HTR4: variants seen among roughly 807,000 people sequenced by gnomAD.
HTR4 encodes 5-hydroxytryptamine (serotonin) receptor 4, G protein-coupled.
A neutral mutation model predicts 36.8 loss-of-function variants in HTR4; 16 were observed. The ratio of observed to expected loss-of-function variants is 0.43; its 90% CI spans 0.29 to 0.66. The LOEUF (loss-of-function observed/expected upper bound fraction) is 0.66. Among genes scored for constraint, HTR4 ranks in the 30% least tolerant of loss-of-function variants. The pLI, the probability that HTR4 is intolerant of heterozygous loss-of-function variation, is 0.13. For synonymous variants in HTR4, 189 were observed against 185.1 expected, an observed-to-expected ratio of 1.02 and a Z score of -0.17; for missense variants, 438 against 490.9, an observed-to-expected ratio of 0.89 and a Z score of 1.02.
intron 2 of HTR4, among the ~76,000 whole-genome samples, chr5:148,620,982 T>C (rs1351597351): frequency 5.3e-5 from 8 of 152,232 alleles, no homozygotes; most frequent in Non-Finnish European, 7.3e-5. Context: ...CCTCCTCACG[T>C]GTACACCCCA....
chr5:148,459,726 A>C (rs1488615178), intron 5 of HTR4, among the ~76,000 whole-genome samples: 1 of 152,154 alleles, frequency 6.6e-6, no homozygotes, highest in Non-Finnish European at 1.5e-5. Context: ...TACAAGGCAT[A>C]GTAAATGGCA....
At chr5:148,454,921 C>G (rs1020521293) in intron 5 of HTR4, among the ~76,000 whole-genome samples, 3 of 152,116 alleles carry the variant, frequency 2.0e-5, no homozygotes, top group Non-Finnish European at 4.4e-5. Context: ...CAAACAAGGG[C>G]TCAGGACCAA....
rs570405999 is a variant in HTR4, at chr5:148,609,554, G to C, written c.26+27435C>G. On this transcript the variant is annotated intron_variant, in intron 2 of 6. Transcript: ENST00000377888. ...ATATTAGGCCCCACTTTTGTATAAT[G>C]TGCTTGTGTATAAGGAATTTTTAAG... Among the ~76,000 whole-genome samples, 10 of 151,578 alleles carry C rather than the reference G, an allele frequency of 6.6e-5. 1 individual carries two copies. The highest frequency in any genetic ancestry group is 2.4e-4 in the African/African-American group (10 of 41,276).
At chr5:148,451,035 A>G (rs1754961985) in exon 6 of HTR4, 2 of 1,363,016 alleles carry the variant, frequency 1.5e-6, no homozygotes, top group Non-Finnish European at 2.0e-6. Context: ...CTACCCCCCA[A>G]CACTGTCCTC....
intron 2 of HTR4, among the ~76,000 whole-genome samples, chr5:148,616,344 G>T (rs867120124): frequency 2.0e-5 from 3 of 152,218 alleles, no homozygotes; most frequent in Middle Eastern, 3.4e-3. Flanking sequence ...AGGTAAAAAT[G>T]GCCTGTTTCT....
At chr5:148,605,329 G>T (rs1752112871) in intron 2 of HTR4, among the ~76,000 whole-genome samples, 1 of 144,246 alleles carries the variant, frequency 6.9e-6, no homozygotes, top group South Asian at 2.2e-4. Flanking sequence ...CGTGATCTCG[G>T]CTCACTGCAA....
At chr5:148,568,444 T>G (rs1157397697) in intron 2 of HTR4, among the ~76,000 whole-genome samples, 2 of 152,186 alleles carry the variant, frequency 1.3e-5, no homozygotes, top group African/African-American at 4.8e-5. Context: ...TTTACCATGC[T>G]TGGCCATGGA....
chr5:148,622,622 G>A (rs908471113), intron 2 of HTR4, among the ~76,000 whole-genome samples: 8 of 152,098 alleles, frequency 5.3e-5, no homozygotes, highest in Non-Finnish European at 1.0e-4. Context: ...ATTTACTAGC[G>A]GTGTGTCTTT....
Position 148,590,538 on chromosome 5 carries a change from C to G in HTR4, c.27-40276G>C, listed in dbSNP as rs116238527. ...TACAGAACAGCAGAGCAAATACTTT[C>G]TCAGCGCTACCCACATGTTCATTAA... is the stretch of plus-strand genomic sequence containing the variant. On this transcript the variant is annotated intron_variant, in intron 2 of 6. Coordinates refer to ENST00000377888, the MANE Select transcript of HTR4 (RefSeq NM_000870.7). Among the ~76,000 whole-genome samples the G allele has an allele frequency of 5.9e-3, 895 of 151,966 alleles. 8 individuals carry two copies. Among genetic ancestry groups the G allele is most frequent in the African/African-American group, 0.021 (864 of 41,488 alleles).
chr5:148,596,224 A>C (rs770406698), intron 2 of HTR4, among the ~76,000 whole-genome samples: 1 of 152,186 alleles, frequency 6.6e-6, no homozygotes, highest in Non-Finnish European at 1.5e-5. Flanking sequence ...TGTGCCGATA[A>C]TATCTTACTA....
At chr5:148,591,648 A>G (rs1561638251) in intron 2 of HTR4, among the ~76,000 whole-genome samples, 1 of 152,188 alleles carries the variant, frequency 6.6e-6, no homozygotes. Flanking sequence ...AAGAATGTGA[A>G]CAGACACTTT....
intron 2 of HTR4, among the ~76,000 whole-genome samples, chr5:148,558,160 T>C (rs915117820): frequency 2.0e-5 from 3 of 152,016 alleles, no homozygotes; most frequent in Admixed American, 1.3e-4. Context: ...GAAAATAATG[T>C]TTCATTTTCT....
At chr5:148,642,499 A>G (rs906427392) in intron 1 of HTR4, among the ~76,000 whole-genome samples, 1 of 152,190 alleles carries the variant, frequency 6.6e-6, no homozygotes, top group African/African-American at 2.4e-5. Flanking sequence ...ATATTGGATA[A>G]GAATTACCTA....
chr5:148,482,054 C>A lies in HTR4; in HGVS notation c.*1149G>T. The A allele has an allele frequency of 1.0e-6, 1 of 980,786 alleles. No individual in the cohort carries two copies. The highest frequency in any genetic ancestry group is 1.7e-5 in the African/African-American group (1 of 57,230). The allele number at this position is 980,786 out of a possible 1,614,324, so 60.8% of individuals were successfully genotyped here. A position where few individuals can be genotyped will look rare whatever the true frequency, so the allele number is the denominator to read the frequency against. ...AGTGCACAGATGTGGAAAGTGGGGT[C>A]CAGAGATGAAAGAACACTATTCAAG... On this transcript the variant is annotated 3_prime_UTR_variant, in exon 7 of 7. Transcript: ENST00000377888.
chr5:148,653,623 A>G (rs1034078965), intron 1 of HTR4, among the ~76,000 whole-genome samples: 1 of 151,922 alleles, frequency 6.6e-6, no homozygotes, highest in Non-Finnish European at 1.5e-5. Flanking sequence ...ACACACACAC[A>G]CACACACAGC....
intron 6 of HTR4, among the ~76,000 whole-genome samples, chr5:148,488,785 G>T (rs1388598381): frequency 6.6e-6 from 1 of 152,124 alleles, no homozygotes; most frequent in African/African-American, 2.4e-5. Flanking sequence ...TTCATAGTTT[G>T]GGATGTTAAC....
intron 6 of HTR4, among the ~76,000 whole-genome samples, chr5:148,498,734 G>C (rs1287993545): frequency 6.6e-6 from 1 of 152,140 alleles, no homozygotes; most frequent in Admixed American, 6.5e-5. Flanking sequence ...GAAAACCATA[G>C]GAAGAAGAGT....
At chr5:148,540,479 T>G (rs1759067710) in intron 4 of HTR4, among the ~76,000 whole-genome samples, 2 of 140,830 alleles carry the variant, frequency 1.4e-5, no homozygotes, top group South Asian at 4.4e-4. Context: ...AAAATAAAAA[T>G]TTTAGAAAAG....
chr5:148,584,681 ACT>A (rs1761283980), intron 2 of HTR4, among the ~76,000 whole-genome samples: 1 of 152,006 alleles, frequency 6.6e-6, no homozygotes, highest in Admixed American at 6.6e-5. Context: ...CCATCAAGCT[ACT>A]CTCTTTTTCA....
Sources: gnomAD v4.1 joint callset for allele counts (sites outside exome capture counted in the v4.1 genomes callset) on GRCh38, gnomAD v4.1.1 for gene constraint, MANE v1.5 for transcripts, NCBI Gene and HGNC (gene_info 2026-07-23, HGNC 2026-07-21) for gene names.